GRIN2B: variants seen among roughly 807,000 people sequenced by gnomAD.
GRIN2B encodes glutamate receptor ionotropic, NMDA 2B.
Under a neutral mutation model 114.5 loss-of-function variants are expected in GRIN2B, and 5 were observed. The ratio of observed to expected loss-of-function variants is 0.04; its 90% confidence interval spans 0.02 to 0.09. The LOEUF (loss-of-function observed/expected upper bound fraction) is 0.09. GRIN2B is among the 10% of genes least tolerant of loss of function. The probability of loss-of-function intolerance (pLI) is 1.00; values close to 1 mark genes in which losing one functional copy is unlikely to be tolerated. For missense variants in GRIN2B, 1,108 were observed against 1,943.5 expected, an observed-to-expected ratio of 0.57 and a Z score of 8.08; for synonymous variants, 787 against 745.1, an observed-to-expected ratio of 1.06 and a Z score of -0.92.
chr12:13,947,275 T>C (rs1867378827), intron 2 of GRIN2B, among the ~76,000 whole-genome samples: 1 of 152,184 alleles, frequency 6.6e-6, no homozygotes, highest in Admixed American at 6.5e-5. Flanking sequence ...ATGTATCCCC[T>C]CACTGTCTAC....
intron 3 of GRIN2B, among the ~76,000 whole-genome samples, chr12:13,783,138 T>C (rs1378677139): frequency 1.3e-5 from 2 of 152,108 alleles, no homozygotes; most frequent in Non-Finnish European, 2.9e-5. Context: ...TACCAAAAAA[T>C]AGCAAAAACT....
chr12:13,888,673 G>T (rs753814280), intron 2 of GRIN2B, among the ~76,000 whole-genome samples: 15 of 151,694 alleles, frequency 9.9e-5, no homozygotes, highest in Admixed American at 2.6e-4. Flanking sequence ...GGTGGAGGTT[G>T]TAGAGAGCCG....
At chr12:13,716,002 A>C (rs1950452167) in intron 4 of GRIN2B, among the ~76,000 whole-genome samples, 1 of 151,904 alleles carries the variant, frequency 6.6e-6, no homozygotes, top group Non-Finnish European at 1.5e-5. Context: ...CCTGTCCTTC[A>C]TGATCTAAGT....
chr12:13,767,795 C>T (rs1863826396), intron 3 of GRIN2B, among the ~76,000 whole-genome samples: 1 of 152,116 alleles, frequency 6.6e-6, no homozygotes, highest in African/African-American at 2.4e-5. Flanking sequence ...CATGAAGGTG[C>T]ACAGGTTATC....
In GRIN2B at chr12:13,557,961, G is replaced by A. The variant is rs1334196345; in HGVS notation, c.*4822C>T. 1 of 152,236 alleles carries A rather than the reference G, an allele frequency of 6.6e-6. No homozygotes were observed. The highest frequency in any genetic ancestry group is 2.4e-5 in the African/African-American group (1 of 41,450). The allele number at this position is 152,236 out of a possible 1,614,324, so 9.4% of individuals were successfully genotyped here. A position where few individuals can be genotyped will look rare whatever the true frequency, so the allele number is the denominator to read the frequency against. On this transcript the variant is annotated 3_prime_UTR_variant, in exon 14 of 14. Coordinates refer to ENST00000609686, the MANE Select transcript of GRIN2B (RefSeq NM_000834.5). ...AGCAACAAATCTGTGTGGGAAGGTG[G>A]TAGTTGCAGTGGGGTGGGAAATGAA...
At chr12:13,570,047 TG>T in intron 11 of GRIN2B, 30 bp from the exon 12 acceptor site, 1 of 1,527,954 alleles carries the variant, frequency 6.5e-7, no homozygotes, top group Non-Finnish European at 9.1e-7. Context: ...ACAAATCCAA[TG>T]GAGGAATTTT....
In GRIN2B at chr12:13,547,973, A is replaced by ATTTTTT. The variant is rs1313051828; in HGVS notation, c.*14809_*14810insAAAAAA. 3 of 46,320 alleles carry ATTTTTT rather than the reference A, an allele frequency of 6.5e-5. No homozygotes were observed. The highest frequency in any genetic ancestry group is 9.7e-5 in the Non-Finnish European group (2 of 20,676). 2.9% of individuals were successfully genotyped at this position (46,320 alleles called of 1,614,324 possible). A position where few individuals can be genotyped will look rare whatever the true frequency, so the allele number is the denominator to read the frequency against. On this transcript the variant is annotated 3_prime_UTR_variant, in exon 14 of 14. Transcript: ENST00000609686. ...TGTATGTGTGTGTATATATATATAT[A>ATTTTTT]TATATATATTTTTTTTTTTTTTCTG...
At chr12:13,842,079 C>T (rs1865389096) in intron 3 of GRIN2B, among the ~76,000 whole-genome samples, 2 of 152,136 alleles carry the variant, frequency 1.3e-5, no homozygotes, top group South Asian at 4.1e-4. Flanking sequence ...CTGGTTCCCT[C>T]TTGGCCAAAA....
intron 3 of GRIN2B, among the ~76,000 whole-genome samples, chr12:13,784,814 A>G (rs1231046118): frequency 1.3e-5 from 2 of 152,178 alleles, no homozygotes; most frequent in African/African-American, 4.8e-5. Flanking sequence ...CCAACACTGA[A>G]ACATGGGGCA....
At chr12:13,821,052 G>A (rs1238056098) in intron 3 of GRIN2B, among the ~76,000 whole-genome samples, 2 of 151,410 alleles carry the variant, frequency 1.3e-5, no homozygotes, top group Non-Finnish European at 2.9e-5. Context: ...CCCAGTTACC[G>A]AGAACCACTC....
At chr12:13,798,728 G>A (rs1864457575) in intron 3 of GRIN2B, among the ~76,000 whole-genome samples, 1 of 152,020 alleles carries the variant, frequency 6.6e-6, no homozygotes, top group African/African-American at 2.4e-5. Flanking sequence ...TTCATTAAAT[G>A]TCTAATCTCT....
At chr12:13,677,533 C>T (rs1488726840) in intron 4 of GRIN2B, among the ~76,000 whole-genome samples, 3 of 152,134 alleles carry the variant, frequency 2.0e-5, no homozygotes, top group Admixed American at 6.6e-5. Flanking sequence ...AAAGGAGTAG[C>T]GATTCCTAGA....
chr12:13,576,180 G>A (rs1273798727), intron 10 of GRIN2B, among the ~76,000 whole-genome samples: 1 of 152,144 alleles, frequency 6.6e-6, no homozygotes, highest in South Asian at 2.1e-4. Flanking sequence ...ACTGTCATTG[G>A]AACTTGAACT....
At chr12:13,783,033 G>A (rs980086186) in intron 3 of GRIN2B, among the ~76,000 whole-genome samples, 2 of 152,156 alleles carry the variant, frequency 1.3e-5, no homozygotes, top group Non-Finnish European at 2.9e-5. Flanking sequence ...ACTTTCCAAA[G>A]ACTGGGAAAT....
intron 3 of GRIN2B, among the ~76,000 whole-genome samples, chr12:13,847,648 G>C (rs1382763063): frequency 6.6e-6 from 1 of 152,100 alleles, no homozygotes; most frequent in Non-Finnish European, 1.5e-5. Context: ...AGGGCAGAGA[G>C]ACACGAACCA....
At chr12:13,839,390 G>C (rs1865341277) in intron 3 of GRIN2B, among the ~76,000 whole-genome samples, 1 of 152,182 alleles carries the variant, frequency 6.6e-6, no homozygotes, top group East Asian at 1.9e-4. Flanking sequence ...TCCAGTTGGA[G>C]AAAATTTGAA....
At chr12:13,930,169 G>C (rs1000686239) in intron 2 of GRIN2B, among the ~76,000 whole-genome samples, 6 of 152,164 alleles carry the variant, frequency 3.9e-5, no homozygotes, top group African/African-American at 1.4e-4. Context: ...GGGCAACAGA[G>C]CCAGACTCTG....
chr12:13,893,064 C>A lies in GRIN2B; in HGVS notation c.-18-26838G>T, dbSNP rs375026625. 1.0e-3 allele frequency among the ~76,000 whole-genome samples: 155 copies of A among 152,244 alleles called. 3 individuals are homozygous for A. In the South Asian group the frequency reaches 0.026, roughly 26 times the overall value. ...CATTTAGTTAGCTCTAGATTTTGTT[C>A]AGTATTCAAATTGACTTGCTTAGCA... On this transcript the variant is annotated intron_variant, in intron 2 of 13. Transcript: ENST00000609686.
Position 13,561,502 on chromosome 12 carries a change from T to C in GRIN2B, c.*1281A>G, listed in dbSNP as rs1948543234. 1 of 152,552 alleles carries C rather than the reference T, an allele frequency of 6.6e-6. No individual in the cohort carries two copies. Among genetic ancestry groups the C allele is most frequent in the Admixed American group, 6.5e-5 (1 of 15,270 alleles). The allele number at this position is 152,552 out of a possible 1,614,324, so 9.4% of individuals were successfully genotyped here. A position where few individuals can be genotyped will look rare whatever the true frequency, so the allele number is the denominator to read the frequency against. ...GTTTTGGGGGGAAGAAGCCTGCTCGTCTAGCTTCAGGTTAAGTAAGAAGGG... is the reference window on the plus strand; with the variant it reads ...GTTTTGGGGGGAAGAAGCCTGCTCGCCTAGCTTCAGGTTAAGTAAGAAGGG... On this transcript the variant is annotated 3_prime_UTR_variant, in exon 14 of 14. Transcript: ENST00000609686.
Sources: allele counts gnomAD v4.1 joint callset (sites outside exome capture counted in the v4.1 genomes callset), GRCh38; gene constraint gnomAD v4.1.1; transcripts MANE v1.5; gene names NCBI Gene and HGNC (gene_info 2026-07-23, HGNC 2026-07-21).